ADAMTS17: variants seen among roughly 807,000 people sequenced by gnomAD.
The protein encoded by ADAMTS17 is ADAM metallopeptidase with thrombospondin type 1 motif 17, also known as A disintegrin and metalloproteinase with thrombospondin motifs 17.
Under a neutral mutation model 141.5 loss-of-function variants are expected in ADAMTS17, and 113 were observed. The observed-to-expected ratio is 0.80, with a 90% CI of 0.69 to 0.93. ADAMTS17 has a LOEUF of 0.93. Ranked by LOEUF, ADAMTS17 falls within the 40% of genes least tolerant of loss-of-function variation. The probability of loss-of-function intolerance (pLI) is 0.00; values close to 1 mark genes in which losing one functional copy is unlikely to be tolerated. For synonymous variants in ADAMTS17, 768 were observed against 630.6 expected (o/e 1.22, Z -3.27); for missense variants, 1,659 against 1,517.9 (o/e 1.09, Z -1.54).
At chr15:99,996,775 T>G (rs943764405) in intron 19 of ADAMTS17, among the ~76,000 whole-genome samples, 1 of 152,180 alleles carries the variant, frequency 6.6e-6, no homozygotes, top group African/African-American at 2.4e-5. Flanking sequence ...TCAGCTATTT[T>G]TTTTTTTGTA....
chr15:100,038,441 A>G (rs535360563), intron 18 of ADAMTS17, among the ~76,000 whole-genome samples: 18 of 152,354 alleles, frequency 1.2e-4, no homozygotes, highest in Middle Eastern at 6.8e-3. Flanking sequence ...CACTAAATCT[A>G]TAGATCAATT....
intron 8 of ADAMTS17, among the ~76,000 whole-genome samples, chr15:100,159,214 C>A (rs531899443): frequency 6.9e-4 from 105 of 152,262 alleles, no homozygotes; most frequent in African/African-American, 2.3e-3. Flanking sequence ...GATATGAACC[C>A]AACCTAAACA....
At chr15:100,321,271 GAAAC>G (rs924724802) in intron 3 of ADAMTS17, among the ~76,000 whole-genome samples, 126 of 152,142 alleles carry the variant, frequency 8.3e-4, no homozygotes, top group African/African-American at 2.8e-3. Flanking sequence ...CAAGCCAATA[GAAAC>G]AAACAAACAA....
Position 100,199,579 on chromosome 15 carries a change from G to A in ADAMTS17, c.1076-156C>T, listed in dbSNP as rs2041244641. On this transcript the variant is annotated intron_variant, in intron 7 of 21. Coordinates refer to ENST00000268070, the MANE Select transcript of ADAMTS17 (RefSeq NM_139057.4). ...GCCCACCTGGGAAGGGTTTGTGTATGATGCTTTTGTGTTCACCCAATAAAA... is the reference window on the plus strand; with the variant it reads ...GCCCACCTGGGAAGGGTTTGTGTATAATGCTTTTGTGTTCACCCAATAAAA... Among the ~76,000 whole-genome samples, 4 of 152,322 alleles carry A rather than the reference G, an allele frequency of 2.6e-5. No homozygotes were observed. The South Asian group carries it at 8.3e-4, about 32-fold the overall frequency.
chr15:100,218,228 C>A (rs148733080), intron 7 of ADAMTS17, among the ~76,000 whole-genome samples: 1 of 152,198 alleles, frequency 6.6e-6, no homozygotes, highest in Non-Finnish European at 1.5e-5. Context: ...TTTGAGATGA[C>A]AGATATGCTA....
At chr15:100,066,366 T>C (rs1295780421) in intron 15 of ADAMTS17, among the ~76,000 whole-genome samples, 2 of 144,808 alleles carry the variant, frequency 1.4e-5, no homozygotes, top group East Asian at 2.0e-4. Flanking sequence ...AGATGGCATA[T>C]GGATACACGT....
intron 8 of ADAMTS17, among the ~76,000 whole-genome samples, chr15:100,185,510 T>G (rs2040682430): frequency 6.6e-6 from 1 of 152,052 alleles, no homozygotes. Flanking sequence ...ACTCCAAAAA[T>G]CTCCACTTCA....
At chr15:100,075,932 C>T (rs188873698) in intron 15 of ADAMTS17, among the ~76,000 whole-genome samples, 78 of 152,304 alleles carry the variant, frequency 5.1e-4, no homozygotes, top group South Asian at 2.1e-3. Flanking sequence ...GTGACCTCTC[C>T]TACGTATGTC....
chr15:100,243,334 G>A (rs938731648), intron 7 of ADAMTS17, among the ~76,000 whole-genome samples: 2 of 152,210 alleles, frequency 1.3e-5, no homozygotes, highest in African/African-American at 2.4e-5. Flanking sequence ...TCTTTTGGGA[G>A]TGTATCAAGA....
intron 3 of ADAMTS17, among the ~76,000 whole-genome samples, chr15:100,319,639 A>G (rs9652538): frequency 0.28 from 41,826 of 152,088 alleles, 7,130 homozygotes; most frequent in African/African-American, 0.46. Context: ...GAACCCAGGA[A>G]GTGGAGGTTA....
intron 20 of ADAMTS17, among the ~76,000 whole-genome samples, chr15:99,983,134 C>T (rs2437425): frequency 0.065 from 9,961 of 152,166 alleles, 692 homozygotes; most frequent in African/African-American, 0.17. Flanking sequence ...GCGTTACTAG[C>T]TTCTTTAATA....
rs1056985741 is a variant in ADAMTS17 at position 100,056,922 on chromosome 15, C to T, written c.2138-2868G>A. Among the ~76,000 whole-genome samples, 17 of 152,082 alleles carry T rather than the reference C, an allele frequency of 1.1e-4. 1 individual carries two copies. Among genetic ancestry groups the T allele is most frequent in the Middle Eastern group, 3.4e-3 (1 of 292 alleles). ...CACAAGCTTTATGGTAAGGTGCCTCCGGGGCCTGGGAATGTTGTGGGACGG... is the reference window on the plus strand; with the variant it reads ...CACAAGCTTTATGGTAAGGTGCCTCTGGGGCCTGGGAATGTTGTGGGACGG... On this transcript the variant is annotated intron_variant, in intron 15 of 21. Transcript: ENST00000268070.
chr15:100,018,799 G>A (rs1056751644), intron 18 of ADAMTS17, among the ~76,000 whole-genome samples: 3 of 152,158 alleles, frequency 2.0e-5, no homozygotes, highest in Admixed American at 6.5e-5. Context: ...AAAACCAAAT[G>A]AGGACGTGCC....
intron 7 of ADAMTS17, among the ~76,000 whole-genome samples, chr15:100,248,236 A>C (rs1203518220): frequency 6.6e-6 from 1 of 152,196 alleles, no homozygotes; most frequent in Non-Finnish European, 1.5e-5. Flanking sequence ...GTAGGAGACC[A>C]AGCAAAGGGC....
chr15:100,083,695 G>C (rs1245125024), intron 15 of ADAMTS17, among the ~76,000 whole-genome samples: 2 of 150,722 alleles, frequency 1.3e-5, no homozygotes, highest in Admixed American at 1.3e-4. Flanking sequence ...TCTAGTTTGA[G>C]GGCAGTTGGT....
At chr15:100,276,674 GC>G (rs2044108421) in intron 4 of ADAMTS17, among the ~76,000 whole-genome samples, 1 of 152,068 alleles carries the variant, frequency 6.6e-6, no homozygotes, top group South Asian at 2.1e-4. Context: ...CCATCCCACA[GC>G]CCCACAGAAA....
chr15:100,078,693 C>T (rs955704313), intron 15 of ADAMTS17, among the ~76,000 whole-genome samples: 15 of 152,088 alleles, frequency 9.9e-5, no homozygotes, highest in African/African-American at 3.6e-4. Context: ...CAAAAGCACA[C>T]GCAACAAAAG....
chr15:100,177,845 G>C (rs957543077), intron 8 of ADAMTS17, among the ~76,000 whole-genome samples: 2 of 151,946 alleles, frequency 1.3e-5, no homozygotes, highest in African/African-American at 4.8e-5. Context: ...CTTTATTTTG[G>C]TACATATACG....
intron 15 of ADAMTS17, among the ~76,000 whole-genome samples, chr15:100,070,061 A>C (rs1051471318): frequency 6.7e-6 from 1 of 150,180 alleles, no homozygotes; most frequent in Admixed American, 6.7e-5. Flanking sequence ...CTACCAAGCA[A>C]ATGGAAAACA....
Sources: allele counts gnomAD v4.1 joint callset (sites outside exome capture counted in the v4.1 genomes callset), GRCh38; gene constraint gnomAD v4.1.1; transcripts MANE v1.5; gene names NCBI Gene and HGNC (gene_info 2026-07-23, HGNC 2026-07-21).